Variants in IGDCC3 observed in about 807,000 individuals in gnomAD.
IGDCC3 encodes putative neuronal cell adhesion molecule.
IGDCC3 carries 47 observed loss-of-function variants against 72.0 expected under a neutral mutation model. The observed-to-expected ratio is 0.65, with a 90% confidence interval of 0.52 to 0.83. The LOEUF is 0.83. IGDCC3 is among the 40% of genes least tolerant of loss of function. The probability of loss-of-function intolerance (pLI) is 0.00; values close to 1 mark genes in which losing one functional copy is unlikely to be tolerated. For missense variants in IGDCC3, 1,038 were observed against 1,091.3 expected (o/e 0.95, Z 0.69); for synonymous variants, 477 against 472.8 (o/e 1.01, Z -0.11).
At chr15:65,352,204 T>C (rs1347078283) in intron 2 of IGDCC3, among the ~76,000 whole-genome samples, 1 of 152,262 alleles carries the variant, frequency 6.6e-6, no homozygotes, top group Non-Finnish European at 1.5e-5. Flanking sequence ...TTTGAGCTAT[T>C]TGCAGCTTGT....
chr15:65,344,544 G>A (rs2091110110), intron 2 of IGDCC3, among the ~76,000 whole-genome samples: 1 of 152,214 alleles, frequency 6.6e-6, no homozygotes, highest in Non-Finnish European at 1.5e-5. Flanking sequence ...GGGGGCAGTG[G>A]GAGGTTGGAT....
rs559469978 is a variant in IGDCC3 at position 65,361,808 on chromosome 15, G to A, written c.409+13289C>T. Among the ~76,000 whole-genome samples, 18 of 152,324 alleles carry A rather than the reference G, an allele frequency of 1.2e-4. 1 individual carries two copies. Among genetic ancestry groups the A allele is most frequent in the Non-Finnish European group, 2.1e-4 (14 of 68,028 alleles). On this transcript the variant is annotated intron_variant, in intron 2 of 13. Transcript: ENST00000327987. Reference sequence around the variant, plus strand: ...GCACAGGATCCCACCGCCGTGCTGGGGTAGGGGCGCCGCTCCTCCTGCCTC... The same window carrying A: ...GCACAGGATCCCACCGCCGTGCTGGAGTAGGGGCGCCGCTCCTCCTGCCTC...
rs540899368 is a variant in IGDCC3 at position 65,342,731 on chromosome 15, C to G, written c.410-6775G>C. On this transcript the variant is annotated intron_variant, in intron 2 of 13. Transcript: ENST00000327987. ...GCCACGTGGACTCAGAGACTGATGACGAGGCCCACATCAGATCCCACGCTA... is the reference window on the plus strand; with the variant it reads ...GCCACGTGGACTCAGAGACTGATGAGGAGGCCCACATCAGATCCCACGCTA... Among the ~76,000 whole-genome samples the G allele has an allele frequency of 3.3e-5, 5 of 152,312 alleles. No homozygotes were observed. The South Asian group carries it at 8.3e-4, about 25-fold the overall frequency.
chr15:65,377,640 C>T lies in IGDCC3; in HGVS notation c.103+46G>A, dbSNP rs999698295. ...CCCGCTCCCTCCCTGCTCGCCCTTCCCCTGGCTCCGTCCGCAACCGCCCGG... is the reference window on the plus strand; with the variant it reads ...CCCGCTCCCTCCCTGCTCGCCCTTCTCCTGGCTCCGTCCGCAACCGCCCGG... On this transcript the variant is annotated intron_variant, in intron 1 of 13. Transcript: ENST00000327987. The surrounding 1 kb of genome is among the most constrained non-coding windows in gnomAD (Gnocchi z 4.9). The T allele has an allele frequency of 6.4e-6, 9 of 1,402,006 alleles. No homozygotes were observed. Among genetic ancestry groups the T allele is most frequent in the South Asian group, 1.6e-5 (1 of 61,698 alleles). The allele number at this position is 1,402,006 out of a possible 1,614,324, so 86.8% of individuals were successfully genotyped here.
At chr15:65,367,144 G>C (rs2091292144) in intron 2 of IGDCC3, among the ~76,000 whole-genome samples, 1 of 152,126 alleles carries the variant, frequency 6.6e-6, no homozygotes, top group African/African-American at 2.4e-5. Flanking sequence ...AGACGTTTCA[G>C]ATCAGCCTGG....
Position 65,328,673 on chromosome 15 carries a change from C to T in IGDCC3, c.*236G>A, listed in dbSNP as rs527499391. On this transcript the variant is annotated 3_prime_UTR_variant, in exon 14 of 14. Coordinates refer to ENST00000327987, the MANE Select transcript of IGDCC3 (RefSeq NM_004884.4). ...TGGGTACCAGGCAGAGGCAAGGGGG[C>T]GTCAGCCCAGGGAAGGAACAGGCTC... The T allele has an allele frequency of 1.5e-4, 61 of 401,106 alleles. No homozygotes were observed. The highest frequency in any genetic ancestry group is 2.7e-4 in the Admixed American group (6 of 22,546). 24.8% of individuals were successfully genotyped at this position (401,106 alleles called of 1,614,324 possible). A position where few individuals can be genotyped will look rare whatever the true frequency, so the allele number is the denominator to read the frequency against.
At chr15:65,361,300 G>C (rs2091259423) in intron 2 of IGDCC3, among the ~76,000 whole-genome samples, 1 of 151,286 alleles carries the variant, frequency 6.6e-6, no homozygotes, top group Non-Finnish European at 1.5e-5. Context: ...ACATTAGCTG[G>C]GTGTGGTGGT....
intron 2 of IGDCC3, among the ~76,000 whole-genome samples, chr15:65,368,174 A>T (rs914795701): frequency 2.5e-4 from 38 of 151,096 alleles, no homozygotes; most frequent in African/African-American, 7.3e-4. Context: ...ACACACACAC[A>T]CACACACACA....
chr15:65,330,786 C>CTCTA (rs3058049), intron 9 of IGDCC3, 45 bp from the exon 10 acceptor site: 679,180 of 1,421,754 alleles, frequency 0.48, 175,291 homozygotes, highest in East Asian at 0.88. Context: ...CCAGTGGAAG[C>CTCTA]TCTATCTTTC....
intron 5 of IGDCC3, 111 bp downstream of exon 5, chr15:65,334,617 A>G: frequency 9.9e-7 from 1 of 1,011,768 alleles, no homozygotes; most frequent in Admixed American, 3.0e-5. Context: ...ACCCCCACAG[A>G]GAACAAACAG....
chr15:65,352,573 G>A (rs572886841), intron 2 of IGDCC3, among the ~76,000 whole-genome samples: 10 of 152,250 alleles, frequency 6.6e-5, no homozygotes, highest in Non-Finnish European at 1.5e-4. Context: ...GGAGCCCCAA[G>A]TTATCTTGGG....
In IGDCC3 at chr15:65,377,560, C is replaced by G; in HGVS notation, c.103+126G>C. On this transcript the variant is annotated intron_variant, in intron 1 of 13. Transcript: ENST00000327987. The surrounding 1 kb of genome is among the most constrained non-coding windows in gnomAD (Gnocchi z 4.9). The stretch of plus-strand genomic sequence containing the variant: ...CCCGTCCGGATCCGCAGGGTCCCCC[C>G]CGCGCGGGGTCCGCCCTCAGGTCCG... 5 of 994,860 alleles carry G rather than the reference C, an allele frequency of 5.0e-6. No homozygotes were observed. Among genetic ancestry groups the G allele is most frequent in the Non-Finnish European group, 6.5e-6 (5 of 769,494 alleles). The allele number at this position is 994,860 out of a possible 1,614,324, so 61.6% of individuals were successfully genotyped here.
At chr15:65,347,238 AT>A (rs2091131927) in intron 2 of IGDCC3, among the ~76,000 whole-genome samples, 1 of 152,222 alleles carries the variant, frequency 6.6e-6, no homozygotes, top group Non-Finnish European at 1.5e-5. Flanking sequence ...CTTCCCCCGA[AT>A]TTCCAGAGCC....
chr15:65,358,592 G>A (rs543944397), intron 2 of IGDCC3, among the ~76,000 whole-genome samples: 2 of 152,212 alleles, frequency 1.3e-5, no homozygotes, highest in South Asian at 2.1e-4. Context: ...TTGAGAAATG[G>A]CACATTCAAA....
At chr15:65,364,231 G>T (rs1159349867) in intron 2 of IGDCC3, among the ~76,000 whole-genome samples, 1 of 152,210 alleles carries the variant, frequency 6.6e-6, no homozygotes, top group East Asian at 1.9e-4. Flanking sequence ...GCAGAACTGG[G>T]TTGAAATCCC....
At chr15:65,363,359 AG>A (rs1471804583) in intron 2 of IGDCC3, among the ~76,000 whole-genome samples, 1 of 152,224 alleles carries the variant, frequency 6.6e-6, no homozygotes. Flanking sequence ...CCTCACCAGA[AG>A]TCAGGCTGGG....
chr15:65,375,438 G>C lies in IGDCC3; in HGVS notation c.104-36C>G, dbSNP rs188744929. 358 of 1,515,560 alleles carry C rather than the reference G, an allele frequency of 2.4e-4. 1 individual carries two copies. In the African/African-American group the frequency reaches 4.4e-3, roughly 19 times the overall value. The allele number at this position is 1,515,560 out of a possible 1,614,324, so 93.9% of individuals were successfully genotyped here. A position where few individuals can be genotyped will look rare whatever the true frequency, so the allele number is the denominator to read the frequency against. On this transcript the variant is annotated intron_variant, in intron 1 of 13. Coordinates refer to ENST00000327987, the MANE Select transcript of IGDCC3 (RefSeq NM_004884.4). ...GAAGGGGAGATGGAAGGAAATAGGG[G>C]TGTTAGTATGAAATGAACATCCAGG...
intron 2 of IGDCC3, among the ~76,000 whole-genome samples, chr15:65,372,443 G>A (rs1191185845): frequency 6.6e-6 from 1 of 152,182 alleles, no homozygotes; most frequent in East Asian, 1.9e-4. Context: ...GAAGCCCCAA[G>A]GAATCAGCCC....
intron 2 of IGDCC3, chr15:65,355,716 T>C (rs75938378): frequency 4.6e-4 from 198 of 433,406 alleles, no homozygotes; most frequent in African/African-American, 4.3e-3. Flanking sequence ...GCTGGCTAAT[T>C]ACCTCGCTCG....
Sources: allele counts gnomAD v4.1 joint callset (sites outside exome capture counted in the v4.1 genomes callset), GRCh38; gene constraint gnomAD v4.1.1; non-coding constraint Gnocchi (gnomAD v3.1); transcripts MANE v1.5; gene names NCBI Gene and HGNC (gene_info 2026-07-23, HGNC 2026-07-21).